Variants in DST observed in about 807,000 individuals in gnomAD.
DST encodes the protein dystonin.
Under a neutral mutation model 875.2 loss-of-function variants are expected in DST, and 253 were observed. That is an observed-to-expected ratio of 0.29 (90% CI 0.26 to 0.32). DST has a LOEUF of 0.32. Ranked by LOEUF, DST falls within the 10% of genes least tolerant of loss-of-function variation. DST has a pLI of 1.00. For missense variants in DST, 8,287 were observed against 9,111.6 expected, an observed-to-expected ratio of 0.91 and a Z score of 3.68; for synonymous variants, 3,124 against 3,197.1, an observed-to-expected ratio of 0.98 and a Z score of 0.77.
At chr6:56,675,494 C>G (rs936544462) in intron 9 of DST, among the ~76,000 whole-genome samples, 5 of 152,112 alleles carry the variant, frequency 3.3e-5, no homozygotes, top group Admixed American at 3.3e-4. Context: ...TATGTGCAAA[C>G]CATTCATCTT....
intron 4 of DST, among the ~76,000 whole-genome samples, chr6:56,789,167 T>TA (rs869113400): frequency 2.6e-3 from 400 of 152,110 alleles, no homozygotes; most frequent in African/African-American, 8.8e-3. Context: ...CCTGTTTCTA[T>TA]AAAAAAAATT....
rs771484088 is a variant in DST at position 56,509,737 on chromosome 6, A to G, written c.18917T>C (p.Met6306Thr). 13 of 1,613,510 alleles carry G rather than the reference A, an allele frequency of 8.1e-6. No homozygotes were observed. The highest frequency in any genetic ancestry group is 1.0e-5 in the Non-Finnish European group (12 of 1,179,750). Residue 6306 changes from methionine (M) to threonine (T), a missense_variant, in exon 74 of 104, where the codon ATG (methionine) becomes ACG (threonine). By Grantham distance (81) the Met-to-Thr change is moderately conservative (BLOSUM62 -1). Transcript: ENST00000680361. ...ISENKNVSVD[M>T]EKLQPLYETL... ...TTCATACAACGGCTGTAGCTTTTCC[A>G]TGTCTACTGACACATTCTTATTTTC... is the stretch of plus-strand genomic sequence containing the variant.
intron 4 of DST, among the ~76,000 whole-genome samples, chr6:56,813,498 T>C (rs1162376328): frequency 6.6e-6 from 1 of 152,170 alleles, no homozygotes; most frequent in Non-Finnish European, 1.5e-5. Context: ...CAAATTTGCC[T>C]AAAGAAACTA....
intron 36 of DST, chr6:56,617,415 C>T (rs780731176): frequency 1.2e-6 from 2 of 1,611,450 alleles, no homozygotes; most frequent in Non-Finnish European, 1.7e-6. Context: ...TTGTTCTTAG[C>T]TATCTGTAAC....
At chr6:56,947,675 T>C (rs538556084) in intron 2 of DST, among the ~76,000 whole-genome samples, 2 of 152,392 alleles carry the variant, frequency 1.3e-5, no homozygotes, top group Non-Finnish European at 2.9e-5. Context: ...CTGACACTTA[T>C]GTCTACTTCC....
intron 61 of DST, 133 bp downstream of exon 61, chr6:56,552,051 A>T: frequency 9.5e-7 from 1 of 1,047,650 alleles, no homozygotes; most frequent in Non-Finnish European, 1.4e-6. Context: ...ACCCCCATAT[A>T]TGCTCATTCT....
rs1350618697 is a variant in DST at position 56,714,503 on chromosome 6, TGAA to T, written c.688-10137_688-10135del. On this transcript the variant is annotated intron_variant, in intron 5 of 103. Transcript: ENST00000680361. The surrounding 1 kb of genome is among the most constrained non-coding windows in gnomAD (Gnocchi z 4.5). ...CTGCACTGATGTCTCTTACTAAAGC[TGAA>T]ATCTAAGTGGAAGTTATTTTCTCTC... Among the ~76,000 whole-genome samples, 2 of 152,210 alleles carry T rather than the reference TGAA, an allele frequency of 1.3e-5. No homozygotes were observed. The highest frequency in any genetic ancestry group is 4.8e-5 in the African/African-American group (2 of 41,456).
intron 4 of DST, among the ~76,000 whole-genome samples, chr6:56,740,057 T>C (rs1169424969): frequency 6.6e-6 from 1 of 152,208 alleles, no homozygotes; most frequent in East Asian, 1.9e-4. Context: ...GGTTTCGCCA[T>C]GTTAGCCAGG....
intron 9 of DST, chr6:56,693,316 C>T (rs1387735870): frequency 8.5e-7 from 1 of 1,170,564 alleles, no homozygotes; most frequent in Non-Finnish European, 1.1e-6. Flanking sequence ...GAAAGGCACA[C>T]ACAAGAAATG....
At chr6:56,924,271 T>C (rs1805838526) in intron 2 of DST, among the ~76,000 whole-genome samples, 1 of 152,166 alleles carries the variant, frequency 6.6e-6, no homozygotes, top group Admixed American at 6.5e-5. Context: ...ATGGCCATGA[T>C]ATCACTGAAC....
rs2098414154 is a variant in DST at position 56,598,554 on chromosome 6, C to T, written c.11850G>A (p.Gln3950=). ...TAGACTGTTCTGCTTTTAAATTAAG[C>T]TGTTCACACTTTATCTTAGCTTCAT... ...KLNEAKIKCE[Q]LNLKAEQSKK... is the part of the protein sequence containing the mutation. Residue 3950 remains glutamine, a synonymous_variant, in exon 46 of 104, where the codon CAG becomes CAA. Coordinates refer to ENST00000680361, the MANE Select transcript of DST (RefSeq NM_001374736.1). The T allele has an allele frequency of 6.2e-7, 1 of 1,610,400 alleles. No homozygotes were observed. Among genetic ancestry groups the T allele is most frequent in the Non-Finnish European group, 8.5e-7 (1 of 1,178,182 alleles).
At chr6:56,559,374 T>A (rs1433242789) in intron 58 of DST, among the ~76,000 whole-genome samples, 1 of 152,114 alleles carries the variant, frequency 6.6e-6, no homozygotes, top group Non-Finnish European at 1.5e-5. Flanking sequence ...ATCTCTATAG[T>A]TGGATTAAAT....
intron 2 of DST, among the ~76,000 whole-genome samples, chr6:56,938,108 C>CTCTCTCTCTCTCTCTATATATATATATA (rs1383243392): frequency 6.6e-5 from 8 of 120,748 alleles, no homozygotes; most frequent in African/African-American, 2.8e-4. Context: ...CTCTCTCTCT[C>CTCTCTCTCTCTCTCTATATATATATATA]TATATATATA....
At chr6:56,823,409 T>C (rs1440404717) in intron 4 of DST, among the ~76,000 whole-genome samples, 1 of 152,088 alleles carries the variant, frequency 6.6e-6, no homozygotes, top group African/African-American at 2.4e-5. Context: ...GAAATGTGTA[T>C]AATTTTTTTT....
intron 4 of DST, among the ~76,000 whole-genome samples, chr6:56,763,469 C>T (rs550837225): frequency 4.1e-4 from 62 of 151,700 alleles, no homozygotes; most frequent in Non-Finnish European, 5.6e-4. Context: ...GTCAGGAGTT[C>T]GAAACCAGCC....
chr6:56,502,037 T>G (rs903452533), intron 78 of DST, among the ~76,000 whole-genome samples: 4 of 152,054 alleles, frequency 2.6e-5, no homozygotes, highest in Admixed American at 2.6e-4. Flanking sequence ...CAAAAGAAAA[T>G]GAAACATATG....
intron 2 of DST, among the ~76,000 whole-genome samples, chr6:56,901,737 C>G (rs1794232444): frequency 6.6e-6 from 1 of 151,230 alleles, no homozygotes; most frequent in Admixed American, 6.6e-5. Context: ...ATAAAATTGT[C>G]ATTTTCCTCT....
At chr6:56,472,502 C>T (rs578059584) in intron 93 of DST, among the ~76,000 whole-genome samples, 43 of 152,300 alleles carry the variant, frequency 2.8e-4, no homozygotes, top group African/African-American at 9.6e-4. Context: ...CATCTTCCAG[C>T]TTAAAATTCA....
At chr6:56,738,446 G>A (rs113265249) in intron 4 of DST, among the ~76,000 whole-genome samples, 2,202 of 151,774 alleles carry the variant, frequency 0.015, 59 homozygotes, top group African/African-American at 0.049. Flanking sequence ...TCAGCCTCCC[G>A]AGTAGCTGGG....
Sources: gnomAD v4.1 joint callset for allele counts (sites outside exome capture counted in the v4.1 genomes callset) on GRCh38, gnomAD v4.1.1 for gene constraint, Gnocchi (gnomAD v3.1) non-coding constraint, MANE v1.5 for transcripts, NCBI Gene and HGNC (gene_info 2026-07-23, HGNC 2026-07-21) for gene names.